The following LINGO2 variants were observed in gnomAD, a reference collection of about 807,000 sequenced individuals.
LINGO2 encodes leucine rich repeat and Ig domain containing 2.
Under a neutral mutation model 30.6 loss-of-function variants are expected in LINGO2, and 14 were observed. The ratio of observed to expected loss-of-function variants is 0.46; its 90% CI spans 0.30 to 0.72. The LOEUF is 0.72. Among genes scored for constraint, LINGO2 ranks in the 30% least tolerant of loss-of-function variants. The probability of loss-of-function intolerance (pLI) is 0.07; values close to 1 mark genes in which losing one functional copy is unlikely to be tolerated. For missense variants in LINGO2, 729 were observed against 751.7 expected (o/e 0.97, Z 0.35); for synonymous variants, 317 against 288.5 (o/e 1.10, Z -1.00).
At chr9:28,537,044 C>A (rs1423389457) in intron 1 of LINGO2, among the ~76,000 whole-genome samples, 1 of 152,010 alleles carries the variant, frequency 6.6e-6, no homozygotes, top group Non-Finnish European at 1.5e-5. Context: ...CATAGGCATG[C>A]ACACAGGGAT....
intron 4 of LINGO2, among the ~76,000 whole-genome samples, chr9:28,043,554 G>T (rs1055814434): frequency 6.6e-6 from 1 of 152,154 alleles, no homozygotes; most frequent in Non-Finnish European, 1.5e-5. Context: ...CAAAGCATAA[G>T]GAATGCTGTT....
intron 4 of LINGO2, among the ~76,000 whole-genome samples, chr9:28,119,437 T>C (rs1411651391): frequency 2.0e-5 from 3 of 152,212 alleles, no homozygotes; most frequent in Non-Finnish European, 4.4e-5. Flanking sequence ...AACAAACATA[T>C]ATACTTGGGC....
intron 1 of LINGO2, among the ~76,000 whole-genome samples, chr9:28,486,799 AAT>A (rs1826184370): frequency 6.6e-6 from 1 of 152,134 alleles, no homozygotes; most frequent in Admixed American, 6.6e-5. Flanking sequence ...TTTTAAAAAT[AAT>A]AATAAAATAG....
the LINGO2 span, among the ~76,000 whole-genome samples, chr9:28,970,882 C>T: frequency 6.6e-6 from 1 of 152,160 alleles, no homozygotes; most frequent in East Asian, 1.9e-4. Context: ...GGCACACCAC[C>T]TATTGAGGCA....
chr9:29,014,058 C>A, the LINGO2 span, among the ~76,000 whole-genome samples: 1 of 152,036 alleles, frequency 6.6e-6, no homozygotes, highest in Non-Finnish European at 1.5e-5. Context: ...AAATACAAAT[C>A]CATTCATTTT....
chr9:28,938,303 T>C, the LINGO2 span, among the ~76,000 whole-genome samples: 1 of 152,250 alleles, frequency 6.6e-6, no homozygotes, highest in Non-Finnish European at 1.5e-5. Context: ...GTGTTCTCTA[T>C]AGAACATGCT....
chr9:28,540,277 CCT>C lies in LINGO2; in HGVS notation c.-364-64254_-364-64253del, dbSNP rs1249840924. The stretch of plus-strand genomic sequence containing the variant: ...CTTTCTGTCTCTCTCTCTCTCTCTC[CCT>C]CTCTCTCTCTCTCTCTGTTACCCAG... On this transcript the variant is annotated intron_variant, in intron 1 of 5. Coordinates refer to ENST00000379992, the Ensembl canonical transcript of LINGO2. 3.2e-3 allele frequency among the ~76,000 whole-genome samples: 446 copies of C among 138,128 alleles called. 3 individuals carry two copies. Among genetic ancestry groups the C allele is most frequent in the African/African-American group, 6.6e-3 (235 of 35,762 alleles). The allele number at this position is 138,128 out of a possible 152,430, so 90.6% of individuals were successfully genotyped here.
chr9:28,675,947 A>T, the LINGO2 span, among the ~76,000 whole-genome samples: 2 of 148,032 alleles, frequency 1.4e-5, no homozygotes, highest in African/African-American at 4.9e-5. Context: ...ACACACACAC[A>T]CACAGATATA....
At chr9:28,923,962 T>G in the LINGO2 span, among the ~76,000 whole-genome samples, 1 of 151,570 alleles carries the variant, frequency 6.6e-6, no homozygotes, top group Admixed American at 6.5e-5. Flanking sequence ...TGTCACAGAC[T>G]CACATGATCA....
chr9:28,649,898 G>C (rs977277542), intron 1 of LINGO2, among the ~76,000 whole-genome samples: 1 of 152,242 alleles, frequency 6.6e-6, no homozygotes, highest in Non-Finnish European at 1.5e-5. Flanking sequence ...TCAACCCTCA[G>C]AAGGCAGAGA....
chr9:29,149,155 A>T, the LINGO2 span, among the ~76,000 whole-genome samples: 1 of 152,190 alleles, frequency 6.6e-6, no homozygotes, highest in African/African-American at 2.4e-5. Context: ...TGGGAGTAAC[A>T]ATATCATAGT....
At chr9:28,135,164 T>G (rs1827483433) in intron 4 of LINGO2, among the ~76,000 whole-genome samples, 3 of 152,050 alleles carry the variant, frequency 2.0e-5, no homozygotes, top group South Asian at 2.1e-4. Flanking sequence ...AAAATCACAA[T>G]GAGCATATAA....
At chr9:28,043,519 AAAC>A (rs1201939931) in intron 4 of LINGO2, among the ~76,000 whole-genome samples, 2 of 152,200 alleles carry the variant, frequency 1.3e-5, no homozygotes, top group African/African-American at 2.4e-5. Context: ...AATATTAGAA[AAAC>A]AACACTCCCT....
rs1827319726 is a variant in LINGO2 at position 28,129,249 on chromosome 9, C to A, written c.-86-116844G>T. Among the ~76,000 whole-genome samples, 1 of 152,152 alleles carries A rather than the reference C, an allele frequency of 6.6e-6. No homozygotes were observed. Among genetic ancestry groups the A allele is most frequent in the African/African-American group, 2.4e-5 (1 of 41,430 alleles). ...GACTTCACCTGGTAATCGTGGGAGT[C>A]AATTCTCCTTAATAAACTCCTTTTG... On this transcript the variant is annotated intron_variant, in intron 4 of 5. Coordinates refer to ENST00000379992, the Ensembl canonical transcript of LINGO2. This position sits in a 1 kb window ranked among gnomAD's most constrained non-coding sequence, Gnocchi z 4.0.
chr9:29,175,838 T>C, the LINGO2 span, among the ~76,000 whole-genome samples: 1 of 152,254 alleles, frequency 6.6e-6, no homozygotes, highest in South Asian at 2.1e-4. Context: ...GGAAATAATA[T>C]TTTTTTAAAA....
chr9:28,416,758 T>C (rs1302100679), intron 2 of LINGO2, among the ~76,000 whole-genome samples: 1 of 152,182 alleles, frequency 6.6e-6, no homozygotes, highest in East Asian at 1.9e-4. Flanking sequence ...TCCAGAGAGC[T>C]GCAGAGTATA....
chr9:28,255,087 AATTTT>A (rs1459071615), intron 4 of LINGO2, among the ~76,000 whole-genome samples: 18 of 152,114 alleles, frequency 1.2e-4, no homozygotes, highest in African/African-American at 4.3e-4. Context: ...TATTCCTCCC[AATTTT>A]ATTTCAAAAT....
intron 1 of LINGO2, among the ~76,000 whole-genome samples, chr9:28,602,651 G>C (rs1825537569): frequency 1.3e-5 from 2 of 151,998 alleles, no homozygotes; most frequent in African/African-American, 4.8e-5. Flanking sequence ...TTTAGTTTAT[G>C]TATTTTTTTA....
At chr9:28,313,778 T>A (rs1184235324) in intron 3 of LINGO2, among the ~76,000 whole-genome samples, 4 of 152,186 alleles carry the variant, frequency 2.6e-5, no homozygotes, top group Admixed American at 2.6e-4. Flanking sequence ...GGAGTGCCAA[T>A]GAATATTAAC....
Sources: allele counts gnomAD v4.1 joint callset (sites outside exome capture counted in the v4.1 genomes callset), GRCh38; gene constraint gnomAD v4.1.1; non-coding constraint Gnocchi (gnomAD v3.1); transcripts MANE v1.5; gene names NCBI Gene and HGNC (gene_info 2026-07-23, HGNC 2026-07-21).